The following TMEM132D variants were observed in gnomAD, a reference collection of about 807,000 sequenced individuals.
TMEM132D encodes the protein mature OL transmembrane protein.
In TMEM132D, 21 loss-of-function variants were observed where a neutral mutation model predicts 62.3. The observed-to-expected ratio is 0.34, with a 90% CI of 0.24 to 0.49. TMEM132D has a LOEUF of 0.49. Ranked by LOEUF, TMEM132D falls within the 20% of genes least tolerant of loss-of-function variation. The pLI is 0.99. For missense variants in TMEM132D, 1,346 were observed against 1,402.8 expected (o/e 0.96, Z 0.65); for synonymous variants, 621 against 575.6 (o/e 1.08, Z -1.13).
intron 1 of TMEM132D, among the ~76,000 whole-genome samples, chr12:129,759,567 C>A (rs893729492): frequency 3.9e-5 from 6 of 152,212 alleles, no homozygotes; most frequent in Admixed American, 6.5e-5. Context: ...TTTATTCCAA[C>A]GCCTTGCTCA....
intron 5 of TMEM132D, among the ~76,000 whole-genome samples, chr12:129,163,248 C>T (rs1199587629): frequency 6.6e-6 from 1 of 152,216 alleles, no homozygotes; most frequent in Non-Finnish European, 1.5e-5. Context: ...CATGAGCTAA[C>T]AATGCTAAAA....
chr12:129,701,723 T>C (rs1450904553), intron 1 of TMEM132D, among the ~76,000 whole-genome samples: 3 of 152,318 alleles, frequency 2.0e-5, no homozygotes, highest in African/African-American at 7.2e-5. Flanking sequence ...AAATGTAAAC[T>C]ATTGGCTGGG....
intron 3 of TMEM132D, among the ~76,000 whole-genome samples, chr12:129,424,471 C>T (rs779768416): frequency 8.6e-5 from 13 of 151,990 alleles, no homozygotes; most frequent in Non-Finnish European, 1.8e-4. Context: ...GAGGCCGAGA[C>T]GGGCAGATCA....
At chr12:129,860,940 C>A (rs772904327) in intron 1 of TMEM132D, among the ~76,000 whole-genome samples, 1 of 152,120 alleles carries the variant, frequency 6.6e-6, no homozygotes. Context: ...CACCTAGTCC[C>A]GCCCATGACA....
intron 3 of TMEM132D, among the ~76,000 whole-genome samples, chr12:129,433,575 T>G (rs1326388715): frequency 6.6e-6 from 1 of 152,242 alleles, no homozygotes; most frequent in Non-Finnish European, 1.5e-5. Flanking sequence ...CTGGTACTTC[T>G]TTCTTCCAGT....
chr12:129,568,270 T>A (rs769663055), intron 2 of TMEM132D, among the ~76,000 whole-genome samples: 4 of 152,232 alleles, frequency 2.6e-5, no homozygotes, highest in Non-Finnish European at 5.9e-5. Context: ...GTAAGTCCAC[T>A]TGAGCAAGTT....
intron 4 of TMEM132D, among the ~76,000 whole-genome samples, chr12:129,317,474 A>G (rs879822315): frequency 2.6e-5 from 4 of 152,182 alleles, no homozygotes; most frequent in Non-Finnish European, 5.9e-5. Context: ...TAGGCCCCCA[A>G]TCCCTTCTAG....
chr12:129,769,359 G>A (rs1469460362), intron 1 of TMEM132D, among the ~76,000 whole-genome samples: 3 of 152,074 alleles, frequency 2.0e-5, no homozygotes, highest in Non-Finnish European at 4.4e-5. Context: ...AGTGTAAGGC[G>A]AAACCCCTTA....
At chr12:129,140,344 T>C (rs1428994712) in intron 5 of TMEM132D, among the ~76,000 whole-genome samples, 1 of 152,124 alleles carries the variant, frequency 6.6e-6, no homozygotes, top group Non-Finnish European at 1.5e-5. Context: ...ACCTTAAAGA[T>C]ATACAATAGA....
chr12:129,106,374 A>G (rs1321200875), intron 5 of TMEM132D, among the ~76,000 whole-genome samples: 2 of 151,944 alleles, frequency 1.3e-5, no homozygotes, highest in Non-Finnish European at 2.9e-5. Flanking sequence ...TATGTAACTA[A>G]CCTGCACATT....
At chr12:129,289,938 C>T (rs774475817) in intron 4 of TMEM132D, among the ~76,000 whole-genome samples, 1 of 152,152 alleles carries the variant, frequency 6.6e-6, no homozygotes, top group African/African-American at 2.4e-5. Flanking sequence ...GACGCAGCCA[C>T]CCTGCACAAT....
At chr12:129,780,250 A>G (rs1348150902) in intron 1 of TMEM132D, among the ~76,000 whole-genome samples, 4 of 139,452 alleles carry the variant, frequency 2.9e-5, no homozygotes. Flanking sequence ...GACAGCGTTG[A>G]CCCTCCCCCT....
intron 2 of TMEM132D, among the ~76,000 whole-genome samples, chr12:129,654,948 C>CT (rs991195161): frequency 3.8e-4 from 57 of 149,974 alleles, no homozygotes; most frequent in African/African-American, 6.6e-4. Flanking sequence ...AATTCCTTTT[C>CT]TTTTTTTTTT....
At chr12:129,413,811 C>T (rs1872037354) in intron 3 of TMEM132D, among the ~76,000 whole-genome samples, 1 of 152,172 alleles carries the variant, frequency 6.6e-6, no homozygotes, top group Admixed American at 6.5e-5. Flanking sequence ...GAGGTTTGCA[C>T]AGTGCACTAT....
At chr12:129,264,242 A>C (rs1251897390) in intron 4 of TMEM132D, among the ~76,000 whole-genome samples, 1 of 152,178 alleles carries the variant, frequency 6.6e-6, no homozygotes, top group Non-Finnish European at 1.5e-5. Context: ...TACAAAAATT[A>C]GCTGGGCATG....
Position 129,240,326 on chromosome 12 carries a change from T to C in TMEM132D, c.1300-30663A>G, listed in dbSNP as rs183913908. The stretch of plus-strand genomic sequence containing the variant: ...TTGCTAATATAAGTTTGTTCAATGA[T>C]AGTCTTCAGTTTGAGAAAACTGGTT... On this transcript the variant is annotated intron_variant, in intron 4 of 8. Coordinates refer to ENST00000422113, the MANE Select transcript of TMEM132D (RefSeq NM_133448.3). Among the ~76,000 whole-genome samples, 99 of 152,320 alleles carry C rather than the reference T, an allele frequency of 6.5e-4. 1 individual carries two copies. Among genetic ancestry groups the C allele is most frequent in the South Asian group, 6.4e-3 (31 of 4,818 alleles).
intron 4 of TMEM132D, among the ~76,000 whole-genome samples, chr12:129,293,938 G>A (rs1160317592): frequency 1.3e-5 from 2 of 152,182 alleles, no homozygotes; most frequent in African/African-American, 2.4e-5. Flanking sequence ...GCTTCCCAGA[G>A]CATAAACACA....
At chr12:129,713,992 C>T (rs1170168402) in intron 1 of TMEM132D, among the ~76,000 whole-genome samples, 1 of 152,172 alleles carries the variant, frequency 6.6e-6, no homozygotes, top group South Asian at 2.1e-4. Flanking sequence ...CCTTTGGGAC[C>T]CCAGGTAAGG....
At position 129,867,942 on chromosome 12, in the gene TMEM132D, C is replaced by CGAGGCAGTGTTTCTATGGTACACAT. The variant is rs1874107150; in HGVS notation, c.79+35294_79+35318dup. On this transcript the variant is annotated intron_variant, in intron 1 of 8. Transcript: ENST00000422113. The surrounding 1 kb of genome is among the most constrained non-coding windows in gnomAD (Gnocchi z 4.5). ...TAAGACAGCGTTTCTATGGTACACA[C>CGAGGCAGTGTTTCTATGGTACACAT]GAGGCAGTGTTTCTATGGTACACAT... 6.6e-6 allele frequency among the ~76,000 whole-genome samples: 1 copy of CGAGGCAGTGTTTCTATGGTACACAT among 152,036 alleles called. No homozygotes were observed. The highest frequency in any genetic ancestry group is 1.5e-5 in the Non-Finnish European group (1 of 68,006).
Sources: allele counts gnomAD v4.1 joint callset (sites outside exome capture counted in the v4.1 genomes callset), GRCh38; gene constraint gnomAD v4.1.1; non-coding constraint Gnocchi (gnomAD v3.1); transcripts MANE v1.5; gene names NCBI Gene and HGNC (gene_info 2026-07-23, HGNC 2026-07-21).